The following DNAJC3 variants were observed in gnomAD, a reference collection of about 807,000 sequenced individuals.
DNAJC3 encodes DnaJ heat shock protein family (Hsp40) member C3, also known as dnaJ homolog subfamily C member 3.
Under a neutral mutation model 68.6 loss-of-function variants are expected in DNAJC3, and 38 were observed. The observed-to-expected ratio is 0.55, with a 90% confidence interval of 0.43 to 0.73. The LOEUF is 0.73. DNAJC3 is among the 30% of genes least tolerant of loss of function. DNAJC3 has a pLI of 0.00. For synonymous variants in DNAJC3, 203 were observed against 204.0 expected (o/e 1.00, Z 0.04); for missense variants, 526 against 591.9 (o/e 0.89, Z 1.16).
intron 1 of DNAJC3, among the ~76,000 whole-genome samples, chr13:95,686,507 A>G (rs962461771): frequency 1.3e-5 from 2 of 152,208 alleles, no homozygotes; most frequent in African/African-American, 4.8e-5. Context: ...TTGTTTGCCT[A>G]GGCCAATGTC....
intron 2 of DNAJC3, among the ~76,000 whole-genome samples, chr13:95,715,534 T>C (rs1169936890): frequency 1.3e-5 from 2 of 148,808 alleles, no homozygotes; most frequent in African/African-American, 5.0e-5. Flanking sequence ...CAGGCTGGAG[T>C]GTGGTGGCGT....
At chr13:95,775,372 A>G (rs9561952) in intron 9 of DNAJC3, among the ~76,000 whole-genome samples, 8,443 of 152,348 alleles carry the variant, frequency 0.055, 353 homozygotes, top group East Asian at 0.19. Flanking sequence ...CTGCTACAGA[A>G]GAGGAAGAAC....
At chr13:95,735,796 C>A (rs954538517) in intron 4 of DNAJC3, among the ~76,000 whole-genome samples, 14 of 152,168 alleles carry the variant, frequency 9.2e-5, no homozygotes, top group Admixed American at 8.5e-4. Context: ...ATGATAGTTT[C>A]TTTTGCTGTG....
At chr13:95,764,935 T>C (rs927113939) in intron 9 of DNAJC3, among the ~76,000 whole-genome samples, 3 of 151,864 alleles carry the variant, frequency 2.0e-5, no homozygotes, top group Non-Finnish European at 4.4e-5. Flanking sequence ...TACAGTTAAA[T>C]GAAGGGTTCG....
chr13:95,750,853 G>A (rs1437988469), intron 4 of DNAJC3, among the ~76,000 whole-genome samples: 1 of 151,936 alleles, frequency 6.6e-6, no homozygotes, highest in East Asian at 2.0e-4. Context: ...GTAAAACCAA[G>A]CTCATGGGTA....
intron 4 of DNAJC3, among the ~76,000 whole-genome samples, chr13:95,740,246 G>A (rs925371663): frequency 2.0e-5 from 3 of 152,254 alleles, no homozygotes; most frequent in Non-Finnish European, 4.4e-5. Flanking sequence ...AGTCTTCAGA[G>A]GTTACTGCTG....
intron 2 of DNAJC3, among the ~76,000 whole-genome samples, chr13:95,714,516 TAAC>T (rs1272592440): frequency 6.6e-6 from 1 of 152,172 alleles, no homozygotes; most frequent in African/African-American, 2.4e-5. Flanking sequence ...TTTGCTATAA[TAAC>T]AGGGGTTTCT....
intron 1 of DNAJC3, among the ~76,000 whole-genome samples, chr13:95,687,685 T>C (rs1036541393): frequency 6.6e-6 from 1 of 152,208 alleles, no homozygotes; most frequent in Non-Finnish European, 1.5e-5. Flanking sequence ...AGCCTTATAG[T>C]ATAGTGTGAA....
chr13:95,701,489 G>T (rs1205073419), intron 1 of DNAJC3, among the ~76,000 whole-genome samples: 2 of 151,840 alleles, frequency 1.3e-5, no homozygotes, highest in African/African-American at 4.9e-5. Flanking sequence ...TTTTTTCCTG[G>T]CCATCCCCCT....
intron 9 of DNAJC3, among the ~76,000 whole-genome samples, chr13:95,779,711 C>T (rs1951411551): frequency 6.6e-6 from 1 of 152,116 alleles, no homozygotes; most frequent in Non-Finnish European, 1.5e-5. Flanking sequence ...AGTTCTGATT[C>T]TGCCTTGTGA....
chr13:95,791,033 C>T lies in DNAJC3; in HGVS notation c.*3C>T. Reference sequence around the variant, plus strand: ...GATTTAAATTCCACTTCAATTAAACCAACTGTTTTTCTGCTCTTCTTAATT... The same window carrying T: ...GATTTAAATTCCACTTCAATTAAACTAACTGTTTTTCTGCTCTTCTTAATT... On this transcript the variant is annotated 3_prime_UTR_variant, in exon 12 of 12. Coordinates refer to ENST00000602402, the MANE Select transcript of DNAJC3 (RefSeq NM_006260.5). 5 of 1,613,092 alleles carry T rather than the reference C, an allele frequency of 3.1e-6. No individual in the cohort carries two copies. The highest frequency in any genetic ancestry group is 4.2e-6 in the Non-Finnish European group (5 of 1,179,714).
chr13:95,764,641 AATCC>A (rs1346621422), intron 9 of DNAJC3, among the ~76,000 whole-genome samples: 1 of 92,340 alleles, frequency 1.1e-5, no homozygotes, highest in African/African-American at 4.0e-5. Context: ...TGAAAAATAG[AATCC>A]ATATATATAT....
chr13:95,765,047 T>C (rs1219925849), intron 9 of DNAJC3, among the ~76,000 whole-genome samples: 1 of 152,088 alleles, frequency 6.6e-6, no homozygotes, highest in Non-Finnish European at 1.5e-5. Context: ...CCTAAGCAAG[T>C]TCCCAGTTTC....
At chr13:95,763,985 G>A (rs780377795) in intron 9 of DNAJC3, 32 bp downstream of exon 9, 19 of 1,604,912 alleles carry the variant, frequency 1.2e-5, no homozygotes, top group Admixed American at 3.4e-5. Context: ...TTGCAGTACC[G>A]AAGTGTTGAT....
chr13:95,708,685 CT>C (rs1221499970), intron 1 of DNAJC3, among the ~76,000 whole-genome samples: 1 of 152,138 alleles, frequency 6.6e-6, no homozygotes. Flanking sequence ...CATGGCTTGA[CT>C]TTTTCCACAG....
chr13:95,781,431 G>T (rs1308921746), intron 9 of DNAJC3, among the ~76,000 whole-genome samples: 2 of 152,044 alleles, frequency 1.3e-5, no homozygotes, highest in Non-Finnish European at 2.9e-5. Context: ...TTGCATTGTG[G>T]TTCTCTCTAC....
intron 1 of DNAJC3, among the ~76,000 whole-genome samples, chr13:95,705,039 A>T (rs1199637356): frequency 6.6e-6 from 1 of 151,784 alleles, no homozygotes; most frequent in Non-Finnish European, 1.5e-5. Flanking sequence ...TTTAGTAGAG[A>T]TGGGGTTTTG....
At chr13:95,684,638 C>T (rs1403946644) in intron 1 of DNAJC3, among the ~76,000 whole-genome samples, 1 of 152,166 alleles carries the variant, frequency 6.6e-6, no homozygotes, top group African/African-American at 2.4e-5. Flanking sequence ...AAAAGGGCTC[C>T]AAGGCATCTC....
chr13:95,744,308 T>C (rs143145870), intron 4 of DNAJC3, among the ~76,000 whole-genome samples: 1 of 152,212 alleles, frequency 6.6e-6, no homozygotes, highest in Non-Finnish European at 1.5e-5. Flanking sequence ...AGGAAAGTAC[T>C]CACCTTGTAC....
Sources: gnomAD v4.1 joint callset for allele counts (sites outside exome capture counted in the v4.1 genomes callset) on GRCh38, gnomAD v4.1.1 for gene constraint, MANE v1.5 for transcripts, NCBI Gene and HGNC (gene_info 2026-07-23, HGNC 2026-07-21) for gene names.